TMPO: variants seen among roughly 807,000 people sequenced by gnomAD.
TMPO encodes the protein LEM domain containing 4.
Under a neutral mutation model 45.4 loss-of-function variants are expected in TMPO, and 22 were observed. That is an observed-to-expected ratio of 0.48 (90% CI 0.35 to 0.69). The LOEUF (loss-of-function observed/expected upper bound fraction) is 0.69. Ranked by LOEUF, TMPO falls within the 30% of genes least tolerant of loss-of-function variation. The pLI is 0.01. For missense variants in TMPO, 512 were observed against 548.8 expected, an observed-to-expected ratio of 0.93 and a Z score of 0.67; for synonymous variants, 241 against 204.1, an observed-to-expected ratio of 1.18 and a Z score of -1.54.
At chr12:98,527,782 A>C in intron 1 of TMPO, 104 bp from the exon 2 acceptor site, 1 of 1,367,312 alleles carries the variant, frequency 7.3e-7, no homozygotes, top group South Asian at 1.2e-5. Context: ...ATATTACTAT[A>C]AACCAATTTG....
At position 98,520,507 on chromosome 12, in the gene TMPO, A is replaced by G. The variant is rs551945229; in HGVS notation, c.279+4361A>G. ...TTTTTAGTAGAGACAAGGTTTCACC[A>G]TGTTGGTCAGGCTGGTCTCGAACTC... On this transcript the variant is annotated intron_variant, in intron 1 of 8. Transcript: ENST00000556029. 5.8e-4 allele frequency among the ~76,000 whole-genome samples: 88 copies of G among 151,114 alleles called. 2 individuals are homozygous for G. The South Asian group carries it at 0.017, about 30-fold the overall frequency.
At chr12:98,517,558 C>T (rs138871900) in intron 1 of TMPO, among the ~76,000 whole-genome samples, 116 of 152,260 alleles carry the variant, frequency 7.6e-4, no homozygotes, top group East Asian at 5.8e-4. Flanking sequence ...TGTGTTTTCC[C>T]GGCTACTCAG....
At chr12:98,516,198 C>G in intron 1 of TMPO, 52 bp downstream of exon 1, 1 of 1,319,008 alleles carries the variant, frequency 7.6e-7, no homozygotes. Context: ...GGTTGCCGCG[C>G]GCGCTCGCCG....
chr12:98,520,920 G>C (rs1308291073), intron 1 of TMPO, among the ~76,000 whole-genome samples: 1 of 151,918 alleles, frequency 6.6e-6, no homozygotes, highest in East Asian at 1.9e-4. Flanking sequence ...GCATAATGGA[G>C]TGGTAAAAAG....
intron 1 of TMPO, among the ~76,000 whole-genome samples, chr12:98,527,201 A>G: frequency 6.6e-6 from 1 of 151,768 alleles, no homozygotes; most frequent in East Asian, 1.9e-4. Flanking sequence ...ATGAAATATA[A>G]TTTTTGGTTA....
In TMPO at chr12:98,515,793, C is replaced by T. The variant is rs968755188; in HGVS notation, c.-75C>T. ...AGGCTCGGAGGCGGCAGCGCGGTCC[C>T]CGGCCAGGAGCAAGCGCGCCGGCGT... On this transcript the variant is annotated 5_prime_UTR_variant, in exon 1 of 9. Coordinates refer to ENST00000556029, the MANE Select transcript of TMPO (RefSeq NM_001032283.3). 1 of 1,556,092 alleles carries T rather than the reference C, an allele frequency of 6.4e-7. No homozygotes were observed. Among genetic ancestry groups the T allele is most frequent in the African/African-American group, 1.4e-5 (1 of 73,206 alleles).
rs966227304 is a variant in TMPO at position 98,533,210 on chromosome 12, C to T, written c.565+1372C>T. 3.1e-6 allele frequency: 5 copies of T among 1,613,926 alleles called. No homozygotes were observed. Among genetic ancestry groups the T allele is most frequent in the African/African-American group, 2.7e-5 (2 of 74,924 alleles). ...TCTCCTTCACTGATTAAAGAAACCA[C>T]CACTGGTTACTATAAAGACATAGTA... On this transcript the variant is annotated intron_variant, in intron 3 of 8. Transcript: ENST00000556029.
intron 1 of TMPO, among the ~76,000 whole-genome samples, chr12:98,521,069 T>C (rs1442002085): frequency 2.0e-5 from 3 of 151,050 alleles, no homozygotes; most frequent in African/African-American, 7.3e-5. Context: ...TGCATGCATA[T>C]ACCTTCTATT....
At chr12:98,516,453 G>A in intron 1 of TMPO, 1 of 1,145,910 alleles carries the variant, frequency 8.7e-7, no homozygotes, top group Non-Finnish European at 1.1e-6. Flanking sequence ...CCTGCAGCGG[G>A]CGTTTAGACG....
chr12:98,533,914 A>C, intron 3 of TMPO: 1 of 1,614,168 alleles, frequency 6.2e-7, no homozygotes, highest in Non-Finnish European at 8.5e-7. Flanking sequence ...ACTAGGAGGT[A>C]TTCAAGCAGC....
chr12:98,539,471 CTTTTTT>C (rs398039980), intron 4 of TMPO, among the ~76,000 whole-genome samples: 1 of 123,490 alleles, frequency 8.1e-6, no homozygotes, highest in African/African-American at 3.1e-5. Flanking sequence ...TTTTAAATTA[CTTTTTT>C]TTTTTTTTTT....
chr12:98,516,458 T>G, intron 1 of TMPO: 2 of 1,139,396 alleles, frequency 1.8e-6, no homozygotes, highest in Non-Finnish European at 2.2e-6. Flanking sequence ...AGCGGGCGTT[T>G]AGACGGGGAC....
At chr12:98,541,995 A>G (rs1168807961) in intron 4 of TMPO, among the ~76,000 whole-genome samples, 1 of 152,148 alleles carries the variant, frequency 6.6e-6, no homozygotes, top group Non-Finnish European at 1.5e-5. Flanking sequence ...TATGTGTTGC[A>G]TTTTATGGAT....
intron 1 of TMPO, among the ~76,000 whole-genome samples, chr12:98,525,346 A>G (rs1876684406): frequency 6.6e-6 from 1 of 152,226 alleles, no homozygotes; most frequent in Non-Finnish European, 1.5e-5. Flanking sequence ...AATTGTTCTT[A>G]TGAGCAGCTA....
intron 3 of TMPO, chr12:98,535,397 T>C: frequency 1.0e-6 from 1 of 985,390 alleles, no homozygotes; most frequent in South Asian, 4.7e-5. Flanking sequence ...GCAGAGGTAT[T>C]GTGGAAAGTA....
chr12:98,550,010 CT>C lies in TMPO; in HGVS notation c.*2156del, dbSNP rs1878449663. 1 of 152,150 alleles carries C rather than the reference CT, an allele frequency of 6.6e-6. No individual in the cohort carries two copies. Among genetic ancestry groups the C allele is most frequent in the Admixed American group, 6.5e-5 (1 of 15,276 alleles). 9.4% of individuals were successfully genotyped at this position (152,150 alleles called of 1,614,324 possible). On this transcript the variant is annotated 3_prime_UTR_variant, in exon 9 of 9. Coordinates refer to ENST00000556029, the MANE Select transcript of TMPO (RefSeq NM_001032283.3). Reference sequence around the variant, plus strand: ...CTTTGTTTCCCATACTGTTTTCAGCCTTTTGTTTATAATTAGAAATTGTGAG... The same window carrying C: ...CTTTGTTTCCCATACTGTTTTCAGCCTTTGTTTATAATTAGAAATTGTGAG...
chr12:98,545,190 T>C (rs1878160179), intron 7 of TMPO, 129 bp downstream of exon 7: 1 of 664,204 alleles, frequency 1.5e-6, no homozygotes, highest in Non-Finnish European at 2.6e-6. Context: ...GTGGTGTGTG[T>C]AAATATGCAT....
chr12:98,517,719 C>CA (rs1875973482), intron 1 of TMPO, among the ~76,000 whole-genome samples: 1 of 152,242 alleles, frequency 6.6e-6, no homozygotes, highest in South Asian at 2.1e-4. Flanking sequence ...AATAAAAGAC[C>CA]AATCACACCT....
At position 98,527,874 on chromosome 12, in the gene TMPO, C is replaced by G; in HGVS notation, c.280-12C>G. 1 of 1,613,136 alleles carries G rather than the reference C, an allele frequency of 6.2e-7. No individual in the cohort carries two copies. The highest frequency in any genetic ancestry group is 8.5e-7 in the Non-Finnish European group (1 of 1,179,678). ...AATTCATATGGAAATGATTACTGGA[C>G]TTTGTTTACAGAAAGCCACAAAAAA... On this transcript the variant is annotated splice_polypyrimidine_tract_variant and intron_variant, in intron 1 of 8. Transcript: ENST00000556029.
Sources: gnomAD v4.1 joint callset for allele counts (sites outside exome capture counted in the v4.1 genomes callset) on GRCh38, gnomAD v4.1.1 for gene constraint, MANE v1.5 for transcripts, NCBI Gene and HGNC (gene_info 2026-07-23, HGNC 2026-07-21) for gene names.